LAMA2: variants seen among roughly 807,000 people sequenced by gnomAD.
LAMA2 encodes the protein laminin subunit alpha-2.
A neutral mutation model predicts 364.8 loss-of-function variants in LAMA2; 269 were observed. The ratio of observed to expected loss-of-function variants is 0.74; its 90% CI spans 0.67 to 0.82. The LOEUF is 0.82. Ranked by LOEUF, LAMA2 falls within the 40% of genes least tolerant of loss-of-function variation. LAMA2 has a pLI of 0.00. For missense variants in LAMA2, 3,807 were observed against 3,873.2 expected, an observed-to-expected ratio of 0.98 and a Z score of 0.45; for synonymous variants, 1,379 against 1,370.6, an observed-to-expected ratio of 1.01 and a Z score of -0.14.
At chr6:129,159,063 G>C in intron 8 of LAMA2, 1 of 1,580,384 alleles carries the variant, frequency 6.3e-7, no homozygotes, top group Non-Finnish European at 8.7e-7. Flanking sequence ...CCTTGAACAC[G>C]AGAAATGATG....
chr6:129,441,689 C>T (rs1011894129), intron 43 of LAMA2, among the ~76,000 whole-genome samples: 1 of 151,876 alleles, frequency 6.6e-6, no homozygotes. Context: ...TGATACAAGG[C>T]TATATTGGGC....
chr6:129,283,466 C>G (rs1392349841), intron 18 of LAMA2, among the ~76,000 whole-genome samples: 1 of 151,876 alleles, frequency 6.6e-6, no homozygotes, highest in Non-Finnish European at 1.5e-5. Context: ...TATAGGACAA[C>G]ATGAAACTTA....
intron 1 of LAMA2, among the ~76,000 whole-genome samples, chr6:129,012,593 C>T (rs1375953692): frequency 6.6e-6 from 1 of 152,150 alleles, no homozygotes; most frequent in African/African-American, 2.4e-5. Flanking sequence ...AAGTCTCATT[C>T]AAGCTAATGG....
intron 47 of LAMA2, 83 bp downstream of exon 47, chr6:129,454,371 C>A: frequency 9.1e-7 from 1 of 1,102,766 alleles, no homozygotes; most frequent in Non-Finnish European, 1.4e-6. Flanking sequence ...CTCCTATTTC[C>A]ATTTCAATAA....
At chr6:129,069,997 T>C (rs1773206329) in intron 3 of LAMA2, among the ~76,000 whole-genome samples, 1 of 152,020 alleles carries the variant, frequency 6.6e-6, no homozygotes, top group South Asian at 2.1e-4. Flanking sequence ...ATATTACCCA[T>C]ATCTCTAAAA....
At chr6:129,065,737 T>C (rs1293100266) in intron 3 of LAMA2, among the ~76,000 whole-genome samples, 4 of 152,180 alleles carry the variant, frequency 2.6e-5, no homozygotes. Flanking sequence ...CCCACCCAAA[T>C]TTCATCTTGA....
rs115018822 is a variant in LAMA2 at position 129,150,724 on chromosome 6, C to T, written c.1027+1628C>T. ...AACTGAAAAACAAACATTTTAAAAA[C>T]GCAGAAATTCAAGATGGGGATCTTA... On this transcript the variant is annotated intron_variant, in intron 7 of 64. Transcript: ENST00000421865. 9.6e-3 allele frequency among the ~76,000 whole-genome samples: 1,454 copies of T among 152,018 alleles called. 21 individuals carry two copies. Among genetic ancestry groups the T allele is most frequent in the African/African-American group, 0.033 (1,373 of 41,450 alleles).
At chr6:129,195,522 TC>T (rs1280211933) in intron 12 of LAMA2, among the ~76,000 whole-genome samples, 5 of 152,200 alleles carry the variant, frequency 3.3e-5, no homozygotes, top group Non-Finnish European at 7.3e-5. Context: ...TTTTATACTT[TC>T]TATTTTTGAA....
At chr6:129,224,224 A>T (rs1784078858) in intron 12 of LAMA2, among the ~76,000 whole-genome samples, 1 of 152,184 alleles carries the variant, frequency 6.6e-6, no homozygotes. Context: ...GAAGTTGCTT[A>T]TCAGCTTTAG....
At chr6:128,905,733 A>T (rs1429914033) in intron 1 of LAMA2, among the ~76,000 whole-genome samples, 5 of 151,750 alleles carry the variant, frequency 3.3e-5, no homozygotes, top group Non-Finnish European at 7.4e-5. Context: ...CGCTGCACCC[A>T]CTAACTCGTC....
At chr6:129,460,404 T>TCCCTC in intron 49 of LAMA2, 80 bp downstream of exon 49, 3 of 1,385,372 alleles carry the variant, frequency 2.2e-6, no homozygotes, top group Non-Finnish European at 2.1e-6. Flanking sequence ...TATTCTATTA[T>TCCCTC]CATGTGGATG....
intron 4 of LAMA2, among the ~76,000 whole-genome samples, chr6:129,107,283 C>G (rs993626303): frequency 1.1e-4 from 16 of 152,138 alleles, no homozygotes; most frequent in Non-Finnish European, 1.6e-4. Context: ...TGGCAAAACT[C>G]TCTTTAACCT....
At chr6:129,109,163 G>A (rs1267148541) in intron 4 of LAMA2, among the ~76,000 whole-genome samples, 1 of 152,020 alleles carries the variant, frequency 6.6e-6, no homozygotes, top group Non-Finnish European at 1.5e-5. Flanking sequence ...AAATGGATAG[G>A]ACAAGATTTC....
At chr6:129,469,996 G>C (rs914881734) in intron 51 of LAMA2, among the ~76,000 whole-genome samples, 6 of 151,854 alleles carry the variant, frequency 4.0e-5, no homozygotes, top group Non-Finnish European at 8.8e-5. Flanking sequence ...AGAAACTTCT[G>C]GGGTGATGGA....
intron 12 of LAMA2, among the ~76,000 whole-genome samples, chr6:129,226,796 G>A (rs1179537674): frequency 6.6e-6 from 1 of 152,102 alleles, no homozygotes; most frequent in Non-Finnish European, 1.5e-5. Flanking sequence ...TGGTGAATCT[G>A]ACAATTATGT....
intron 40 of LAMA2, among the ~76,000 whole-genome samples, chr6:129,424,326 T>C (rs1028249554): frequency 1.3e-5 from 2 of 151,278 alleles, no homozygotes; most frequent in Admixed American, 6.6e-5. Flanking sequence ...GATTCTTAGA[T>C]ACACCACCAA....
rs146661276 is a variant in LAMA2, at chr6:129,014,276, C to G, written c.113-35642C>G. Among the ~76,000 whole-genome samples, 663 of 152,236 alleles carry G rather than the reference C, an allele frequency of 4.4e-3. 4 individuals are homozygous for G. Among genetic ancestry groups the G allele is most frequent in the African/African-American group, 0.015 (633 of 41,544 alleles). ...CCATCTGTTCTGGCTATCTTACATT[C>G]GGATCCTGTGTATTTTTTACACTGG... On this transcript the variant is annotated intron_variant, in intron 1 of 64. Transcript: ENST00000421865.
intron 41 of LAMA2, among the ~76,000 whole-genome samples, chr6:129,429,424 TCTTA>T (rs1344635569): frequency 6.6e-6 from 1 of 152,232 alleles, no homozygotes; most frequent in Non-Finnish European, 1.5e-5. Context: ...TGTTGGCTTA[TCTTA>T]CTTATCTTAG....
At chr6:129,197,115 A>G (rs1346198941) in intron 12 of LAMA2, among the ~76,000 whole-genome samples, 1 of 152,218 alleles carries the variant, frequency 6.6e-6, no homozygotes, top group African/African-American at 2.4e-5. Context: ...GGTATAGCAT[A>G]ACATAACAGA....
Sources: gnomAD v4.1 joint callset for allele counts (sites outside exome capture counted in the v4.1 genomes callset) on GRCh38, gnomAD v4.1.1 for gene constraint, MANE v1.5 for transcripts, NCBI Gene and HGNC (gene_info 2026-07-23, HGNC 2026-07-21) for gene names.